COL4A5: variants seen among roughly 807,000 people sequenced by gnomAD.
The protein encoded by COL4A5 is collagen alpha-5(IV) chain.
In COL4A5, 26 loss-of-function variants were observed where a neutral mutation model predicts 130.2. The observed-to-expected ratio is 0.20, with a 90% CI of 0.15 to 0.28. The LOEUF (loss-of-function observed/expected upper bound fraction) is 0.28, where lower values mean the gene tolerates loss of function less well. Ranked by LOEUF, COL4A5 falls within the 10% of genes least tolerant of loss-of-function variation. COL4A5 has a pLI of 1.00. For missense variants in COL4A5, 1,131 were observed against 1,344.3 expected (o/e 0.84, Z 2.48); for synonymous variants, 496 against 439.6 (o/e 1.13, Z -1.60).
intron 36 of COL4A5, among the ~76,000 whole-genome samples, chrX:108,647,617 A>T (rs1385778134): frequency 8.1e-5 from 9 of 111,147 alleles, no homozygotes; most frequent in South Asian, 3.8e-4. Flanking sequence ...TCCAACACTA[A>T]GTTGAATAGG....
chrX:108,551,915 A>G (rs909112933), intron 2 of COL4A5, among the ~76,000 whole-genome samples: 30 of 112,318 alleles, frequency 2.7e-4, no homozygotes, highest in African/African-American at 7.8e-4. Flanking sequence ...AGCAGCATGG[A>G]TGCAACTGGA....
At chrX:108,664,148 G>A (rs918298678) in intron 37 of COL4A5, among the ~76,000 whole-genome samples, 10 of 111,655 alleles carry the variant, frequency 9.0e-5, no homozygotes, top group African/African-American at 1.6e-4. Flanking sequence ...TCGCGCCACC[G>A]CAATCCAGCC....
chrX:108,539,703 G>T (rs2065507844), intron 1 of COL4A5, 43 bp from the exon 2 acceptor site: 1 of 1,088,661 alleles, frequency 9.2e-7, no homozygotes, highest in Non-Finnish European at 1.3e-6. Flanking sequence ...CTGATTTTTG[G>T]GTTCATATTT....
At chrX:108,550,637 A>T (rs2065737673) in intron 2 of COL4A5, among the ~76,000 whole-genome samples, 1 of 112,036 alleles carries the variant, frequency 8.9e-6, no homozygotes, top group African/African-American at 3.2e-5. Context: ...CTTCAGGAAC[A>T]TCTGCTCTCA....
intron 19 of COL4A5, 119 bp from the exon 20 acceptor site, chrX:108,590,939 A>C: frequency 1.4e-6 from 1 of 696,212 alleles, no homozygotes; most frequent in Non-Finnish European, 2.1e-6. Context: ...TCATAGAAAA[A>C]AAATAACATA....
At chrX:108,511,303 T>C (rs1202257810) in intron 1 of COL4A5, among the ~76,000 whole-genome samples, 2 of 111,896 alleles carry the variant, frequency 1.8e-5, no homozygotes, top group Non-Finnish European at 3.8e-5. Flanking sequence ...TTAATACATA[T>C]TGATGCATTC....
At chrX:108,621,682 T>A (rs1279221086) in intron 31 of COL4A5, 121 bp from the exon 32 acceptor site, 1 of 561,623 alleles carries the variant, frequency 1.8e-6, no homozygotes, top group African/African-American at 2.3e-5. Flanking sequence ...TCAAAAAGTC[T>A]AAAACTTAAC....
At chrX:108,672,956 A>C (rs1198752968) in intron 42 of COL4A5, among the ~76,000 whole-genome samples, 1 of 112,452 alleles carries the variant, frequency 8.9e-6, no homozygotes, top group African/African-American at 3.2e-5. Context: ...AATTTAAATA[A>C]ACAGAAGCCA....
In COL4A5 at chrX:108,571,138, G is replaced by A. The variant is rs375440584; in HGVS notation, c.385-275G>A. Among the ~76,000 whole-genome samples, 69 of 111,964 alleles carry A rather than the reference G, an allele frequency of 6.2e-4. 1 individual carries two copies. Among genetic ancestry groups the A allele is most frequent in the African/African-American group, 2.1e-3 (66 of 30,933 alleles). ...AATGTGATGATAGAATTTATGGCGT[G>A]ATCGTCTCAAAATGTCTTTGTTGGA... is the stretch of plus-strand genomic sequence containing the variant. On this transcript the variant is annotated intron_variant, in intron 6 of 52. Coordinates refer to ENST00000328300, the MANE Select transcript of COL4A5 (RefSeq NM_033380.3).
At chrX:108,687,137 A>G (rs2068561398) in intron 48 of COL4A5, among the ~76,000 whole-genome samples, 1 of 112,356 alleles carries the variant, frequency 8.9e-6, no homozygotes, top group South Asian at 3.7e-4. Flanking sequence ...CCTGAGAATA[A>G]TTCCCCCAGA....
At position 108,677,615 on chromosome X, in the gene COL4A5, A is replaced by G; in HGVS notation, c.3924A>G (p.Gln1308=). 1 of 1,210,642 alleles carries G rather than the reference A, an allele frequency of 8.3e-7. No individual in the cohort carries two copies. The highest frequency in any genetic ancestry group is 1.1e-6 in the Non-Finnish European group (1 of 894,704). The part of the protein sequence containing the change: ...LPGLPGLKGD[Q]GPPGLQGNPG... Reference sequence around the variant, plus strand: ...GCTTGCCTGGTTTGAAAGGAGATCAAGGACCACCAGGACTCCAGGTAGGAA... The same window carrying G: ...GCTTGCCTGGTTTGAAAGGAGATCAGGGACCACCAGGACTCCAGGTAGGAA... Residue 1308 remains glutamine, a synonymous_variant, in exon 44 of 53, where the codon CAA becomes CAG. Coordinates refer to ENST00000328300, the MANE Select transcript of COL4A5 (RefSeq NM_033380.3).
chrX:108,604,918 C>A (rs1274597018), intron 28 of COL4A5, among the ~76,000 whole-genome samples: 1 of 112,019 alleles, frequency 8.9e-6, no homozygotes, highest in Non-Finnish European at 1.9e-5. Context: ...TCCAACTTTT[C>A]TTCTGCAGCT....
intron 1 of COL4A5, among the ~76,000 whole-genome samples, chrX:108,525,120 C>T (rs1480031970): frequency 9.0e-6 from 1 of 111,316 alleles, no homozygotes; most frequent in Non-Finnish European, 1.9e-5. Flanking sequence ...TTTGAATTGT[C>T]TATTTCTTAC....
At chrX:108,534,937 A>G (rs1237712172) in intron 1 of COL4A5, among the ~76,000 whole-genome samples, 3 of 109,872 alleles carry the variant, frequency 2.7e-5, no homozygotes, top group South Asian at 3.8e-4. Flanking sequence ...TAGAATCCCA[A>G]TTTCCTTTAT....
At chrX:108,691,299 T>C (rs2068636324) in intron 49 of COL4A5, among the ~76,000 whole-genome samples, 1 of 110,709 alleles carries the variant, frequency 9.0e-6, no homozygotes, top group African/African-American at 3.3e-5. Context: ...ACATGAGTGA[T>C]GGACACCCTA....
At chrX:108,570,761 G>A (rs977987687) in intron 6 of COL4A5, among the ~76,000 whole-genome samples, 2 of 111,569 alleles carry the variant, frequency 1.8e-5, no homozygotes, top group Non-Finnish European at 3.8e-5. Flanking sequence ...CAAACCTTCT[G>A]ATGAAGTTGT....
intron 22 of COL4A5, among the ~76,000 whole-genome samples, chrX:108,596,184 G>A (rs1266678514): frequency 1.8e-5 from 2 of 112,175 alleles, no homozygotes; most frequent in Non-Finnish European, 1.9e-5. Context: ...AGTCAGGGCT[G>A]AGAATAGACA....
intron 1 of COL4A5, among the ~76,000 whole-genome samples, chrX:108,453,073 A>G (rs2064543089): frequency 9.0e-6 from 1 of 111,384 alleles, no homozygotes; most frequent in South Asian, 3.8e-4. Flanking sequence ...TTCTGCATCT[A>G]TTGAGGTAAT....
intron 1 of COL4A5, among the ~76,000 whole-genome samples, chrX:108,444,350 G>T (rs1266645392): frequency 2.7e-5 from 3 of 109,808 alleles, no homozygotes; most frequent in Non-Finnish European, 5.7e-5. Flanking sequence ...CTCCCAAGTA[G>T]CTGGGACTAC....
Sources: gnomAD v4.1 joint callset for allele counts (sites outside exome capture counted in the v4.1 genomes callset) on GRCh38, gnomAD v4.1.1 for gene constraint, MANE v1.5 for transcripts, NCBI Gene and HGNC (gene_info 2026-07-23, HGNC 2026-07-21) for gene names.